The following LALBA variants were observed in gnomAD, a reference collection of about 807,000 sequenced individuals.
LALBA encodes lactalbumin alpha.
LALBA carries 12 observed loss-of-function variants against 13.4 expected under a neutral mutation model. That is an observed-to-expected ratio of 0.89 (90% CI 0.57 to 1.45). The LOEUF is 1.45. Ranked by LOEUF, LALBA falls within the 40% of genes most tolerant of loss-of-function variation. The probability of loss-of-function intolerance (pLI) is 0.00; values close to 1 mark genes in which losing one functional copy is unlikely to be tolerated. For synonymous variants in LALBA, 64 were observed against 61.0 expected (o/e 1.05, Z -0.23); for missense variants, 145 against 165.9 (o/e 0.87, Z 0.69).
chr12:48,570,819 C>CA (rs1410334496), upstream of LALBA, among the ~76,000 whole-genome samples: 26 of 151,026 alleles, frequency 1.7e-4, no homozygotes, highest in Admixed American at 2.6e-4. Flanking sequence ...CCCATCTCTA[C>CA]AAAAAAAATT....
At chr12:48,571,290 A>C (rs545310342), upstream of LALBA, among the ~76,000 whole-genome samples, 1 of 151,840 alleles carries the variant, frequency 6.6e-6, no homozygotes, top group East Asian at 1.9e-4. Flanking sequence ...GCTGGCATGA[A>C]GCTTCATGTC....
upstream of LALBA, chr12:48,570,109 A>C: frequency 7.1e-7 from 1 of 1,402,942 alleles, no homozygotes; most frequent in African/African-American, 1.4e-5. Flanking sequence ...CTCTGGTACC[A>C]AGCCCTACAT....
upstream of LALBA, among the ~76,000 whole-genome samples, chr12:48,570,815 T>G (rs2137135210): frequency 1.3e-5 from 2 of 151,514 alleles, no homozygotes; most frequent in Non-Finnish European, 2.9e-5. Context: ...AAATCCCATC[T>G]CTACAAAAAA....
chr12:48,569,442 G>A (rs995376585), intron 1 of LALBA, among the ~76,000 whole-genome samples: 8 of 152,204 alleles, frequency 5.3e-5, no homozygotes, highest in Admixed American at 5.2e-4. Flanking sequence ...GGCCAGGCAT[G>A]ATGGCTCACG....
intron 1 of LALBA, among the ~76,000 whole-genome samples, chr12:48,569,621 G>A (rs1938608547): frequency 1.3e-5 from 2 of 152,164 alleles, no homozygotes; most frequent in Admixed American, 1.3e-4. Context: ...GCTGAGGCAG[G>A]AGAATCACTT....
chr12:48,567,727 G>T lies in LALBA; in HGVS notation c.*230C>A. 4.1e-6 allele frequency: 2 copies of T among 491,978 alleles called. No individual in the cohort carries two copies. Among genetic ancestry groups the T allele is most frequent in the South Asian group, 4.6e-5 (2 of 43,372 alleles). 30.5% of individuals were successfully genotyped at this position (491,978 alleles called of 1,614,324 possible). On this transcript the variant is annotated 3_prime_UTR_variant, in exon 4 of 4. Coordinates refer to ENST00000301046, the MANE Select transcript of LALBA (RefSeq NM_002289.3). ...TTTATTCAAGACAGAGGTGAAATCT[G>T]TGCTGTAGTGAAAGTGCCATCGAAG... is the stretch of plus-strand genomic sequence containing the variant.
At position 48,569,783 on chromosome 12, in the gene LALBA, A is replaced by G; in HGVS notation, c.133+105T>C. ...AGTATGCAAATGAGCAGAAAAGAGGATGATTAGATAATTAAGTAAAAGTGG... is the reference window on the plus strand; with the variant it reads ...AGTATGCAAATGAGCAGAAAAGAGGGTGATTAGATAATTAAGTAAAAGTGG... On this transcript the variant is annotated intron_variant, in intron 1 of 3. Coordinates refer to ENST00000301046, the MANE Select transcript of LALBA (RefSeq NM_002289.3). 3 of 986,714 alleles carry G rather than the reference A, an allele frequency of 3.0e-6. No individual in the cohort carries two copies. The South Asian group carries it at 4.7e-5, about 15-fold the overall frequency. 61.1% of individuals were successfully genotyped at this position (986,714 alleles called of 1,614,324 possible). A position where few individuals can be genotyped will look rare whatever the true frequency, so the allele number is the denominator to read the frequency against.
upstream of LALBA, among the ~76,000 whole-genome samples, chr12:48,571,486 G>A (rs1050209554): frequency 1.5e-4 from 22 of 148,644 alleles, no homozygotes; most frequent in Non-Finnish European, 2.5e-4. Context: ...CCAGGCTCAA[G>A]TGATTCTCCT....
chr12:48,568,695 AG>A lies in LALBA; in HGVS notation c.293-104del, dbSNP rs1938595914. 4.7e-5 allele frequency: 33 copies of A among 699,366 alleles called. No homozygotes were observed. The South Asian group carries it at 6.2e-4, about 13-fold the overall frequency. 43.3% of individuals were successfully genotyped at this position (699,366 alleles called of 1,614,324 possible). A position where few individuals can be genotyped will look rare whatever the true frequency, so the allele number is the denominator to read the frequency against. On this transcript the variant is annotated intron_variant, in intron 2 of 3. Transcript: ENST00000301046. The stretch of plus-strand genomic sequence containing the variant: ...GGATCCAGTGGGTTCTCTAAACTCA[AG>A]GCTTGTGCCTGTTGTCTTTCTATAT...
At chr12:48,570,157 C>G, upstream of LALBA, 1 of 912,006 alleles carries the variant, frequency 1.1e-6, no homozygotes, top group African/African-American at 1.7e-5. Context: ...CATGCCAAGA[C>G]AGAAACGCTG....
Position 48,569,331 on chromosome 12 carries a change from C to A in LALBA, c.134-91G>T, listed in dbSNP as rs543170443. 8.1e-6 allele frequency: 9 copies of A among 1,111,226 alleles called. No individual in the cohort carries two copies. The Admixed American group carries it at 1.7e-4, about 21-fold the overall frequency. The allele number at this position is 1,111,226 out of a possible 1,614,324, so 68.8% of individuals were successfully genotyped here. On this transcript the variant is annotated intron_variant, in intron 1 of 3. Coordinates refer to ENST00000301046, the MANE Select transcript of LALBA (RefSeq NM_002289.3). The stretch of plus-strand genomic sequence containing the variant: ...ATTCTCAGACAAAAATGCTTTCCAG[C>A]CAATCTCCAAAGATGGCAAAGCTCA...
At chr12:48,570,147 C>T (rs571327814), upstream of LALBA, 21 of 1,000,652 alleles carry the variant, frequency 2.1e-5, no homozygotes, top group African/African-American at 2.9e-4. Flanking sequence ...AGAGACTGGT[C>T]ATGCCAAGAC....
intron 3 of LALBA, chr12:48,568,253 C>G: frequency 1.7e-6 from 1 of 605,376 alleles, no homozygotes; most frequent in Non-Finnish European, 2.9e-6. Context: ...TAGAACTAAA[C>G]AAGTGGAATT....
In LALBA at chr12:48,569,919, T is replaced by G; in HGVS notation, c.102A>C (p.Ile34=). 6.2e-7 allele frequency: 1 copy of G among 1,614,044 alleles called. No homozygotes were observed. The highest frequency in any genetic ancestry group is 8.5e-7 in the Non-Finnish European group (1 of 1,180,000). ...KCELSQLLKD[I]DGYGGIALPE... ...GCAAAGCGATGCCTCCATAACCATC[T>G]ATGTCTTTCAGCAGCTGGGACAGCT... is the stretch of plus-strand genomic sequence containing the variant. Residue 34 remains isoleucine (I), a synonymous_variant, in exon 1 of 4, where the codon ATA becomes ATC. Coordinates refer to ENST00000301046, the MANE Select transcript of LALBA (RefSeq NM_002289.3).
Position 48,570,042 on chromosome 12 carries a change from G to T in LALBA, c.-22C>A, listed in dbSNP as rs752634453. On this transcript the variant is annotated 5_prime_UTR_variant, in exon 1 of 4. Coordinates refer to ENST00000301046, the MANE Select transcript of LALBA (RefSeq NM_002289.3). ...TCATTTTGGCTACCCCCAAGAACCT[G>T]AAATGGAAGCATCACTCAGTTTCAT... The T allele has an allele frequency of 6.2e-7, 1 of 1,613,154 alleles. No homozygotes were observed. Among genetic ancestry groups the T allele is most frequent in the Non-Finnish European group, 8.5e-7 (1 of 1,179,610 alleles).
At chr12:48,571,818 T>C (rs1938637452), upstream of LALBA, among the ~76,000 whole-genome samples, 1 of 152,202 alleles carries the variant, frequency 6.6e-6, no homozygotes, top group African/African-American at 2.4e-5. Context: ...TCCTGTCTTC[T>C]GTACCATGGA....
chr12:48,567,684 T>G lies in LALBA; in HGVS notation c.*273A>C, dbSNP rs1938584305. ...CCAGGGGGAAAAAAATTACAGCCAG[T>G]GACTTCAAAGTGGGACCTTTATTCA... On this transcript the variant is annotated 3_prime_UTR_variant, in exon 4 of 4. Transcript: ENST00000301046. The G allele has an allele frequency of 2.9e-6, 1 of 339,408 alleles. No individual in the cohort carries two copies. Among genetic ancestry groups the G allele is most frequent in the Non-Finnish European group, 5.5e-6 (1 of 182,634 alleles). 21.0% of individuals were successfully genotyped at this position (339,408 alleles called of 1,614,324 possible). A position where few individuals can be genotyped will look rare whatever the true frequency, so the allele number is the denominator to read the frequency against.
upstream of LALBA, among the ~76,000 whole-genome samples, chr12:48,570,335 A>C (rs959114507): frequency 5.3e-5 from 8 of 152,162 alleles, no homozygotes; most frequent in African/African-American, 1.4e-4. Flanking sequence ...TCTGGGAAGC[A>C]CTGTCTCTGG....
At chr12:48,571,647 T>TAGG (rs1938635676), upstream of LALBA, among the ~76,000 whole-genome samples, 1 of 152,110 alleles carries the variant, frequency 6.6e-6, no homozygotes, top group Non-Finnish European at 1.5e-5. Context: ...GGCCTCGGCC[T>TAGG]CCCAAAGTGC....
Sources: allele counts gnomAD v4.1 joint callset (sites outside exome capture counted in the v4.1 genomes callset), GRCh38; gene constraint gnomAD v4.1.1; transcripts MANE v1.5; gene names NCBI Gene and HGNC (gene_info 2026-07-23, HGNC 2026-07-21).